Variants in ST6GAL2 observed in about 807,000 individuals in gnomAD.
The protein encoded by ST6GAL2 is beta-galactoside alpha-2,6-sialyltransferase 2.
In ST6GAL2, 24 loss-of-function variants were observed where a neutral mutation model predicts 37.5. That is an observed-to-expected ratio of 0.64 (90% confidence interval 0.46 to 0.90). The LOEUF (loss-of-function observed/expected upper bound fraction) is 0.90. Among genes scored for constraint, ST6GAL2 ranks in the 40% least tolerant of loss-of-function variants. The pLI, the probability that ST6GAL2 is intolerant of heterozygous loss-of-function variation, is 0.00. For synonymous variants in ST6GAL2, 306 were observed against 295.1 expected, an observed-to-expected ratio of 1.04 and a Z score of -0.38; for missense variants, 715 against 712.7, an observed-to-expected ratio of 1.00 and a Z score of -0.04.
chr2:106,880,423 C>T (rs1267728197), intron 1 of ST6GAL2, among the ~76,000 whole-genome samples: 6 of 152,162 alleles, frequency 3.9e-5, no homozygotes, highest in East Asian at 1.9e-4. Flanking sequence ...CCAGGTTCCC[C>T]GAAGGACCTG....
intron 5 of ST6GAL2, among the ~76,000 whole-genome samples, chr2:106,821,945 A>T (rs1597140): frequency 0.22 from 33,293 of 152,090 alleles, 4,233 homozygotes; most frequent in East Asian, 0.49. Context: ...AAGCATTTGA[A>T]AAAATTCAAC....
chr2:106,845,869 G>A (rs527899452), intron 1 of ST6GAL2, among the ~76,000 whole-genome samples: 3 of 152,182 alleles, frequency 2.0e-5, no homozygotes. Flanking sequence ...CAGTTACCAG[G>A]CCCAGGTCTA....
At chr2:106,826,510 A>C (rs1293344907) in intron 5 of ST6GAL2, among the ~76,000 whole-genome samples, 1 of 150,900 alleles carries the variant, frequency 6.6e-6, no homozygotes, top group East Asian at 2.0e-4. Context: ...ACTGCACTCC[A>C]GCCTGAGTAA....
intron 1 of ST6GAL2, among the ~76,000 whole-genome samples, chr2:106,876,079 G>GAAGCTGAGATTAAAT (rs2104636203): frequency 6.6e-6 from 1 of 152,236 alleles, no homozygotes; most frequent in Admixed American, 6.5e-5. Context: ...AGATCCTCCT[G>GAAGCTGAGATTAAAT]CCTTAACCTC....
chr2:106,835,703 A>G (rs182121486), intron 2 of ST6GAL2, among the ~76,000 whole-genome samples: 3 of 152,312 alleles, frequency 2.0e-5, no homozygotes, highest in African/African-American at 7.2e-5. Context: ...TGCAGAGTTG[A>G]GTTGTTGAGA....
intron 1 of ST6GAL2, among the ~76,000 whole-genome samples, chr2:106,851,670 C>CTTTTTTTTT (rs5833214): frequency 7.4e-6 from 1 of 135,846 alleles, no homozygotes; most frequent in Non-Finnish European, 1.6e-5. Context: ...GTTTTTCTTT[C>CTTTTTTTTT]TTTTTTTTTT....
At chr2:106,873,570 T>G (rs1573317391) in intron 1 of ST6GAL2, among the ~76,000 whole-genome samples, 1 of 152,238 alleles carries the variant, frequency 6.6e-6, no homozygotes. Context: ...CATGGACAGA[T>G]CCAACCCAAT....
intron 1 of ST6GAL2, among the ~76,000 whole-genome samples, chr2:106,881,637 G>C (rs997614730): frequency 6.6e-6 from 1 of 152,136 alleles, no homozygotes; most frequent in African/African-American, 2.4e-5. Flanking sequence ...TTAATTTAAA[G>C]CTAAGTCATT....
In ST6GAL2 at chr2:106,843,651, T is replaced by C. The variant is rs1558701728; in HGVS notation, c.327A>G (p.Lys109=). The C allele has an allele frequency of 6.2e-7, 1 of 1,613,604 alleles. No homozygotes were observed. The highest frequency in any genetic ancestry group is 1.3e-5 in the African/African-American group (1 of 75,056). Residue 109 remains lysine (K), a synonymous_variant, in exon 2 of 6, where the codon AAA becomes AAG. Coordinates refer to ENST00000409382, the MANE Select transcript of ST6GAL2 (RefSeq NM_001142351.2). Reference sequence around the variant, plus strand: ...TCCCCACCTGGGATGAAAAAAACTCTTTATGTTCAAACCCATCTTGGGACT... The same window carrying C: ...TCCCCACCTGGGATGAAAAAAACTCCTTATGTTCAAACCCATCTTGGGACT... ...WAQSQDGFEH[K]EFFSSQVGRK...
At chr2:106,834,530 GC>G (rs1187176454) in intron 2 of ST6GAL2, 4 of 158,154 alleles carry the variant, frequency 2.5e-5, no homozygotes, top group African/African-American at 9.6e-5. Context: ...AGCAAGGGCT[GC>G]TTTTTGGTGC....
rs191517368 is a variant in ST6GAL2, at chr2:106,805,016, A to G, written c.*1662T>C. 1 of 152,208 alleles carries G rather than the reference A, an allele frequency of 6.6e-6. No individual in the cohort carries two copies. Among genetic ancestry groups the G allele is most frequent in the Admixed American group, 6.5e-5 (1 of 15,302 alleles). The allele number at this position is 152,208 out of a possible 1,614,324, so 9.4% of individuals were successfully genotyped here. A position where few individuals can be genotyped will look rare whatever the true frequency, so the allele number is the denominator to read the frequency against. ...ATATTATTGTGATTAAAACTTTCCA[A>G]TTTCTCCTTCACTATTATAGCAAGC... On this transcript the variant is annotated 3_prime_UTR_variant, in exon 6 of 6. Coordinates refer to ENST00000409382, the MANE Select transcript of ST6GAL2 (RefSeq NM_001142351.2).
intron 1 of ST6GAL2, among the ~76,000 whole-genome samples, chr2:106,871,290 GGTGA>G (rs1477205819): frequency 6.6e-6 from 1 of 152,152 alleles, no homozygotes; most frequent in Non-Finnish European, 1.5e-5. Context: ...AGTTGCTCTG[GGTGA>G]GTCAGTCAGT....
In ST6GAL2 at chr2:106,813,071, T is replaced by C. The variant is rs1390160174; in HGVS notation, c.1319-6122A>G. 1.1e-5 allele frequency: 13 copies of C among 1,233,064 alleles called. No homozygotes were observed. In the East Asian group the frequency reaches 1.6e-4, roughly 15 times the overall value. 76.4% of individuals were successfully genotyped at this position (1,233,064 alleles called of 1,614,324 possible). On this transcript the variant is annotated intron_variant, in intron 5 of 5. Transcript: ENST00000409382. Reference sequence around the variant, plus strand: ...CAAATGGGTATGGGGCCAGCTGTTTTGAATCTTTAAACAGTATGAATGTTA... The same window carrying C: ...CAAATGGGTATGGGGCCAGCTGTTTCGAATCTTTAAACAGTATGAATGTTA...
intron 1 of ST6GAL2, among the ~76,000 whole-genome samples, chr2:106,860,519 G>A (rs1677754447): frequency 1.3e-5 from 2 of 152,114 alleles, no homozygotes; most frequent in African/African-American, 4.8e-5. Flanking sequence ...CTCACATGGA[G>A]GAAACAAGAG....
chr2:106,868,910 A>G (rs907220210), intron 1 of ST6GAL2, among the ~76,000 whole-genome samples: 2 of 152,200 alleles, frequency 1.3e-5, no homozygotes, highest in African/African-American at 4.8e-5. Flanking sequence ...AGGGAGTGTC[A>G]TTACATTCTG....
Position 106,850,269 on chromosome 2 carries a change from C to T in ST6GAL2, c.-57-6235G>A, listed in dbSNP as rs377522575. On this transcript the variant is annotated intron_variant, in intron 1 of 5. Coordinates refer to ENST00000409382, the MANE Select transcript of ST6GAL2 (RefSeq NM_001142351.2). The stretch of plus-strand genomic sequence containing the variant: ...GCACCTGGCAGGATAGAGGGGGCTG[C>T]GTTGGTGCCAGGACCCTGTGGCAGA... Among the ~76,000 whole-genome samples, 4 of 152,116 alleles carry T rather than the reference C, an allele frequency of 2.6e-5. No individual in the cohort carries two copies. The East Asian group carries it at 7.7e-4, about 29-fold the overall frequency.
At chr2:106,814,473 C>T (rs1469775498) in intron 5 of ST6GAL2, among the ~76,000 whole-genome samples, 1 of 146,382 alleles carries the variant, frequency 6.8e-6, no homozygotes, top group Non-Finnish European at 1.5e-5. Flanking sequence ...TACAATATTA[C>T]GAGTAGTGTT....
At chr2:106,810,939 G>C (rs1021968312) in intron 5 of ST6GAL2, among the ~76,000 whole-genome samples, 3 of 147,972 alleles carry the variant, frequency 2.0e-5, no homozygotes, top group Middle Eastern at 3.2e-3. Context: ...CTGAGCGACA[G>C]AGTGGCATCC....
At chr2:106,846,518 A>G (rs1446040101) in intron 1 of ST6GAL2, among the ~76,000 whole-genome samples, 2 of 152,200 alleles carry the variant, frequency 1.3e-5, no homozygotes, top group African/African-American at 2.4e-5. Flanking sequence ...TAATAATTAA[A>G]AAGAAAAATT....
Sources: gnomAD v4.1 joint callset for allele counts (sites outside exome capture counted in the v4.1 genomes callset) on GRCh38, gnomAD v4.1.1 for gene constraint, MANE v1.5 for transcripts, NCBI Gene and HGNC (gene_info 2026-07-23, HGNC 2026-07-21) for gene names.